FRMD6: variants seen among roughly 807,000 people sequenced by gnomAD.
FRMD6 encodes FERM domain containing 6.
In FRMD6, 37 loss-of-function variants were observed where a neutral mutation model predicts 73.2. That is an observed-to-expected ratio of 0.51 (90% CI 0.39 to 0.66). The LOEUF is 0.66. FRMD6 is among the 30% of genes least tolerant of loss of function. FRMD6 has a pLI of 0.00. For synonymous variants in FRMD6, 273 were observed against 282.2 expected (o/e 0.97, Z 0.33); for missense variants, 714 against 780.5 (o/e 0.91, Z 1.02).
intron 2 of FRMD6, among the ~76,000 whole-genome samples, chr14:51,587,932 T>C (rs1889150308): frequency 6.6e-6 from 1 of 151,918 alleles, no homozygotes; most frequent in African/African-American, 2.4e-5. Flanking sequence ...TACAGCACGA[T>C]GGAAATGAAC....
the FRMD6 span, among the ~76,000 whole-genome samples, chr14:51,464,291 T>C: frequency 2.0e-5 from 3 of 151,876 alleles, no homozygotes; most frequent in Non-Finnish European, 4.4e-5. Flanking sequence ...GGGCTTAATA[T>C]CTAGGTGATG....
intron 2 of FRMD6, among the ~76,000 whole-genome samples, chr14:51,621,922 T>C (rs934578978): frequency 1.3e-5 from 2 of 152,204 alleles, no homozygotes; most frequent in African/African-American, 2.4e-5. Context: ...GACCATATCA[T>C]TTATCATGCA....
chr14:51,598,116 A>G (rs1031380911), intron 2 of FRMD6, among the ~76,000 whole-genome samples: 2 of 152,234 alleles, frequency 1.3e-5, no homozygotes, highest in Non-Finnish European at 2.9e-5. Flanking sequence ...TTCATTGACA[A>G]TGAAATTATT....
At chr14:51,662,785 A>G (rs1398739896) in intron 1 of FRMD6, among the ~76,000 whole-genome samples, 1 of 152,256 alleles carries the variant, frequency 6.6e-6, no homozygotes, top group Non-Finnish European at 1.5e-5. Context: ...AAAGGCAAAA[A>G]TGGACAAATG....
At chr14:51,641,055 C>G (rs1035218973) in intron 2 of FRMD6, among the ~76,000 whole-genome samples, 1 of 152,110 alleles carries the variant, frequency 6.6e-6, no homozygotes, top group African/African-American at 2.4e-5. Flanking sequence ...ACTGCAACCT[C>G]CACCTCCCAG....
chr14:51,415,443 G>A, the FRMD6 span, among the ~76,000 whole-genome samples: 2 of 152,304 alleles, frequency 1.3e-5, no homozygotes, highest in South Asian at 4.1e-4. Flanking sequence ...CTGTTTATAT[G>A]ATGGATTATG....
intron 1 of FRMD6, among the ~76,000 whole-genome samples, chr14:51,653,684 G>A (rs1223295639): frequency 6.6e-6 from 1 of 152,192 alleles, no homozygotes; most frequent in African/African-American, 2.4e-5. Flanking sequence ...GTCCTTTGTA[G>A]TATAAAACTT....
the FRMD6 span, among the ~76,000 whole-genome samples, chr14:51,453,996 C>T: frequency 6.6e-6 from 1 of 152,334 alleles, no homozygotes; most frequent in African/African-American, 2.4e-5. Flanking sequence ...TGAAGCAGGG[C>T]TCTGCTCCGT....
chr14:51,728,040 T>C lies in FRMD6; in HGVS notation c.*11T>C. ...GAGTTTGTTGTGTAAAGTCCGTCTGTGTGCAGCTGTACAGGCAGCTTACTG... is the reference window on the plus strand; with the variant it reads ...GAGTTTGTTGTGTAAAGTCCGTCTGCGTGCAGCTGTACAGGCAGCTTACTG... On this transcript the variant is annotated 3_prime_UTR_variant, in exon 14 of 14. Coordinates refer to ENST00000344768, the MANE Select transcript of FRMD6 (RefSeq NM_001267046.2). 2 of 1,599,108 alleles carry C rather than the reference T, an allele frequency of 1.3e-6. No individual in the cohort carries two copies. Among genetic ancestry groups the C allele is most frequent in the Non-Finnish European group, 1.7e-6 (2 of 1,169,018 alleles).
At chr14:51,451,110 C>T in the FRMD6 span, among the ~76,000 whole-genome samples, 1 of 152,284 alleles carries the variant, frequency 6.6e-6, no homozygotes, top group Admixed American at 6.5e-5. Context: ...ATAGGACATG[C>T]CAGGAAAAGG....
At position 51,728,163 on chromosome 14, in the gene FRMD6, G is replaced by T. The variant is rs1898089651; in HGVS notation, c.*134G>T. On this transcript the variant is annotated 3_prime_UTR_variant, in exon 14 of 14. Transcript: ENST00000344768. ...GCTCTTTCTTTATAATATTTGTGAT[G>T]ATGGAAACAAAAGCCTTGGAACAAT... is the stretch of plus-strand genomic sequence containing the variant. 2.4e-6 allele frequency: 2 copies of T among 816,668 alleles called. No individual in the cohort carries two copies. The highest frequency in any genetic ancestry group is 3.7e-6 in the Non-Finnish European group (2 of 538,634). 50.6% of individuals were successfully genotyped at this position (816,668 alleles called of 1,614,324 possible). A position where few individuals can be genotyped will look rare whatever the true frequency, so the allele number is the denominator to read the frequency against.
chr14:51,495,144 C>T (rs1193792003), intron 1 of FRMD6, among the ~76,000 whole-genome samples: 1 of 152,184 alleles, frequency 6.6e-6, no homozygotes, highest in Non-Finnish European at 1.5e-5. Context: ...CCACAAAACA[C>T]TAAGACAAAG....
chr14:51,632,752 A>G (rs924234280), intron 2 of FRMD6, among the ~76,000 whole-genome samples: 2 of 152,234 alleles, frequency 1.3e-5, no homozygotes, highest in African/African-American at 4.8e-5. Context: ...ATTGTCTTAG[A>G]GAAGCCTAGA....
At chr14:51,617,645 G>C (rs367636044) in intron 2 of FRMD6, among the ~76,000 whole-genome samples, 4 of 141,784 alleles carry the variant, frequency 2.8e-5, no homozygotes, top group African/African-American at 1.1e-4. Flanking sequence ...CTACCTCGTA[G>C]GGTTGTTGAA....
In FRMD6 at chr14:51,711,577, G is replaced by A. The variant is rs368343075; in HGVS notation, c.761G>A (p.Arg254Lys). 1.6e-5 allele frequency: 26 copies of A among 1,606,816 alleles called. No individual in the cohort carries two copies. Residue 254 changes from arginine (R) to lysine (K), a missense_variant, in exon 8 of 14, where the codon AGG becomes AAG. Arg to Lys is a conservative substitution (Grantham distance 26). Transcript: ENST00000344768. The part of the protein sequence containing the change: ...EASLTLGLTM[R>K]GIQIFQNLDE... ...TCGCTGACTCTTGGATTGACCATGA[G>A]GGGAATACAGATTTTTCAGGTTGGT... is the stretch of plus-strand genomic sequence containing the variant.
intron 1 of FRMD6, among the ~76,000 whole-genome samples, chr14:51,550,581 C>CCG (rs1555374771): frequency 1.7e-4 from 2 of 11,524 alleles, no homozygotes; most frequent in Non-Finnish European, 3.5e-4. Context: ...TGGGAGGAGA[C>CCG]CCCCCCGCCA....
At chr14:51,525,688 T>C (rs1885214083) in intron 1 of FRMD6, among the ~76,000 whole-genome samples, 1 of 152,218 alleles carries the variant, frequency 6.6e-6, no homozygotes, top group African/African-American at 2.4e-5. Context: ...CCTCCTCATT[T>C]TGTGTTAATT....
chr14:51,577,813 T>C (rs1888487731), intron 2 of FRMD6, among the ~76,000 whole-genome samples: 1 of 152,228 alleles, frequency 6.6e-6, no homozygotes, highest in Non-Finnish European at 1.5e-5. Context: ...TTTTGTACTT[T>C]AAGTTCTGGG....
At chr14:51,398,934 A>G in the FRMD6 span, among the ~76,000 whole-genome samples, 4 of 151,844 alleles carry the variant, frequency 2.6e-5, no homozygotes, top group African/African-American at 9.7e-5. Context: ...ATAAAGCCCA[A>G]CCTCCCTGGA....
Sources: gnomAD v4.1 joint callset for allele counts (sites outside exome capture counted in the v4.1 genomes callset) on GRCh38, gnomAD v4.1.1 for gene constraint, MANE v1.5 for transcripts, NCBI Gene and HGNC (gene_info 2026-07-23, HGNC 2026-07-21) for gene names.